THSD7A: variants seen among roughly 807,000 people sequenced by gnomAD.
THSD7A encodes thrombospondin type 1 domain containing 7A, also known as thrombospondin type-1 domain-containing protein 7A.
In THSD7A, 96 loss-of-function variants were observed where a neutral mutation model predicts 231.3. The observed-to-expected ratio is 0.41, with a 90% confidence interval of 0.35 to 0.49. THSD7A has a LOEUF of 0.49. THSD7A is among the 20% of genes least tolerant of loss of function. The pLI, the probability that THSD7A is intolerant of heterozygous loss-of-function variation, is 0.05. For synonymous variants in THSD7A, 940 were observed against 743.3 expected, an observed-to-expected ratio of 1.26 and a Z score of -4.30; for missense variants, 2,290 against 2,070.2, an observed-to-expected ratio of 1.11 and a Z score of -2.06.
intron 1 of THSD7A, among the ~76,000 whole-genome samples, chr7:11,827,733 G>A (rs954078183): frequency 6.6e-6 from 1 of 152,082 alleles, no homozygotes; most frequent in Non-Finnish European, 1.5e-5. Context: ...CTCCTAAACT[G>A]AGTCACCCAT....
intron 1 of THSD7A, among the ~76,000 whole-genome samples, chr7:11,744,783 A>G (rs1306247467): frequency 1.3e-5 from 2 of 151,744 alleles, no homozygotes; most frequent in Admixed American, 1.3e-4. Flanking sequence ...ATCCTTTTTT[A>G]TGGCTGCATA....
At chr7:11,521,150 A>C (rs10215244) in intron 6 of THSD7A, among the ~76,000 whole-genome samples, 24,517 of 152,012 alleles carry the variant, frequency 0.16, 2,338 homozygotes, top group African/African-American at 0.27. Context: ...ATATTTCTGA[A>C]CATATTCACA....
intron 13 of THSD7A, among the ~76,000 whole-genome samples, chr7:11,436,775 C>T (rs1421656883): frequency 6.6e-6 from 1 of 151,476 alleles, no homozygotes; most frequent in African/African-American, 2.4e-5. Flanking sequence ...TTTCTTCTTC[C>T]TACATTATTT....
chr7:11,829,484 C>T lies in THSD7A; in HGVS notation c.190+2273G>A, dbSNP rs558090358. Among the ~76,000 whole-genome samples the T allele has an allele frequency of 8.5e-5, 13 of 152,192 alleles. 1 individual carries two copies. In the East Asian group the frequency reaches 2.1e-3, roughly 25 times the overall value. ...TAACATACACAGTTTGAGTTCCTGT[C>T]CCAGATCTTCATCCAGTGTAACAAC... On this transcript the variant is annotated intron_variant, in intron 1 of 27. Coordinates refer to ENST00000423059, the MANE Select transcript of THSD7A (RefSeq NM_015204.3).
chr7:11,463,643 T>C (rs1362376955), intron 9 of THSD7A, among the ~76,000 whole-genome samples: 1 of 152,152 alleles, frequency 6.6e-6, no homozygotes, highest in Non-Finnish European at 1.5e-5. Flanking sequence ...ATAAGCGGGA[T>C]ACTACAGGTA....
chr7:11,566,968 G>GAA, intron 4 of THSD7A, among the ~76,000 whole-genome samples: 1 of 55,970 alleles, frequency 1.8e-5, no homozygotes, highest in Admixed American at 1.7e-4. Context: ...GGGAGAGTGG[G>GAA]GGGGGGACTG....
intron 4 of THSD7A, 33 bp from the exon 5 acceptor site, chr7:11,543,150 G>T: frequency 5.7e-6 from 9 of 1,577,952 alleles, no homozygotes; most frequent in South Asian, 1.2e-5. Context: ...ATTAAAAAAT[G>T]AACAAAAGGA....
At chr7:11,420,609 G>C (rs1784111517) in intron 16 of THSD7A, among the ~76,000 whole-genome samples, 1 of 152,160 alleles carries the variant, frequency 6.6e-6, no homozygotes, top group South Asian at 2.1e-4. Flanking sequence ...TGTGGGGTTG[G>C]GCCCCCCCAC....
At chr7:11,728,254 G>C (rs7782026) in intron 1 of THSD7A, among the ~76,000 whole-genome samples, 26,363 of 151,866 alleles carry the variant, frequency 0.17, 3,041 homozygotes, top group African/African-American at 0.33. Context: ...ATCTCACTCA[G>C]TTCATTTGGT....
At position 11,645,940 on chromosome 7, in the gene THSD7A, G is replaced by A. The variant is rs975530273; in HGVS notation, c.191-8979C>T. On this transcript the variant is annotated intron_variant, in intron 1 of 27. Transcript: ENST00000423059. The stretch of plus-strand genomic sequence containing the variant: ...CCCCAAAAAAGTAGTTATATAAACT[G>A]TATTTGAGCAATTCAGTTAGAGAGT... Among the ~76,000 whole-genome samples the A allele has an allele frequency of 8.4e-4, 128 of 151,926 alleles. 2 individuals are homozygous for A. Among genetic ancestry groups the A allele is most frequent in the African/African-American group, 2.9e-3 (121 of 41,416 alleles).
intron 1 of THSD7A, among the ~76,000 whole-genome samples, chr7:11,697,133 T>C (rs1443710594): frequency 6.6e-6 from 1 of 151,430 alleles, no homozygotes; most frequent in Admixed American, 6.6e-5. Flanking sequence ...TCCAAGTAAA[T>C]ATTATAATTC....
At chr7:11,742,743 C>G (rs1782155844) in intron 1 of THSD7A, among the ~76,000 whole-genome samples, 1 of 151,862 alleles carries the variant, frequency 6.6e-6, no homozygotes, top group African/African-American at 2.4e-5. Context: ...GATTTATCAC[C>G]TTCACATCTC....
At chr7:11,534,406 A>G (rs1247208033) in intron 6 of THSD7A, among the ~76,000 whole-genome samples, 2 of 152,142 alleles carry the variant, frequency 1.3e-5, no homozygotes, top group African/African-American at 4.8e-5. Context: ...GCCAAAAGCC[A>G]CCATATAAAA....
At chr7:11,380,511 T>C (rs1220679982) in intron 24 of THSD7A, among the ~76,000 whole-genome samples, 4 of 152,210 alleles carry the variant, frequency 2.6e-5, no homozygotes, top group African/African-American at 9.6e-5. Flanking sequence ...CAGGCGCCTA[T>C]TGCTAATTGT....
At chr7:11,403,001 C>T (rs965015909) in intron 22 of THSD7A, among the ~76,000 whole-genome samples, 2 of 152,108 alleles carry the variant, frequency 1.3e-5, no homozygotes, top group African/African-American at 2.4e-5. Flanking sequence ...ATAGTGCATC[C>T]ATGCTTCCAA....
chr7:11,684,487 TAA>T (rs970803056), intron 1 of THSD7A, among the ~76,000 whole-genome samples: 3 of 151,410 alleles, frequency 2.0e-5, no homozygotes, highest in Admixed American at 6.6e-5. Flanking sequence ...TAGAAAGCCC[TAA>T]AGATTCCACT....
intron 1 of THSD7A, among the ~76,000 whole-genome samples, chr7:11,765,896 G>C (rs1783015810): frequency 6.6e-6 from 1 of 152,000 alleles, no homozygotes; most frequent in African/African-American, 2.4e-5. Context: ...AATTATCTGA[G>C]TCTGAATTCC....
intron 4 of THSD7A, among the ~76,000 whole-genome samples, chr7:11,574,750 C>T (rs1283550455): frequency 1.3e-5 from 2 of 152,068 alleles, no homozygotes; most frequent in Non-Finnish European, 2.9e-5. Context: ...AAAACATTAT[C>T]ATACATGTGA....
At position 11,442,635 on chromosome 7, in the gene THSD7A, C is replaced by T. The variant is rs189247460; in HGVS notation, c.3064+3426G>A. ...GATAGAGTGGCAAAGTCATAACATT[C>T]CACAAACACCAGAATTTGCAGAACA... On this transcript the variant is annotated intron_variant, in intron 13 of 27. Transcript: ENST00000423059. Among the ~76,000 whole-genome samples, 108 of 152,106 alleles carry T rather than the reference C, an allele frequency of 7.1e-4. No homozygotes were observed. In the Middle Eastern group the frequency reaches 0.014, roughly 19 times the overall value.
Sources: gnomAD v4.1 joint callset for allele counts (sites outside exome capture counted in the v4.1 genomes callset) on GRCh38, gnomAD v4.1.1 for gene constraint, MANE v1.5 for transcripts, NCBI Gene and HGNC (gene_info 2026-07-23, HGNC 2026-07-21) for gene names.